Variants in PPP6R1 observed in about 807,000 individuals in gnomAD.
PPP6R1 encodes serine/threonine-protein phosphatase 6 regulatory subunit 1.
Under a neutral mutation model 104.6 loss-of-function variants are expected in PPP6R1, and 39 were observed. That is an observed-to-expected ratio of 0.37 (90% confidence interval 0.29 to 0.49). PPP6R1 has a LOEUF of 0.49. PPP6R1 is among the 20% of genes least tolerant of loss of function. The probability of loss-of-function intolerance (pLI) is 0.98; values close to 1 mark genes in which losing one functional copy is unlikely to be tolerated. For missense variants in PPP6R1, 1,181 were observed against 1,155.8 expected (o/e 1.02, Z -0.32); for synonymous variants, 549 against 479.0 (o/e 1.15, Z -1.91).
At chr19:55,237,093 T>G in intron 15 of PPP6R1, 123 bp from the exon 16 acceptor site, 2 of 1,058,294 alleles carry the variant, frequency 1.9e-6, no homozygotes, top group Non-Finnish European at 2.9e-6. Context: ...ATTTGGTATC[T>G]GCAAATTCAC....
rs150852610 is a variant in PPP6R1 at position 55,237,928 on chromosome 19, T to C, written c.1752-958A>G. Among the ~76,000 whole-genome samples, 1,490 of 152,364 alleles carry C rather than the reference T, an allele frequency of 9.8e-3. 28 individuals carry two copies. The highest frequency in any genetic ancestry group is 0.034 in the African/African-American group (1,398 of 41,578). On this transcript the variant is annotated intron_variant, in intron 15 of 23. Transcript: ENST00000412770. The stretch of plus-strand genomic sequence containing the variant: ...TCTTTCTGGGTTTAGTTTTGTTCAC[T>C]TAACTTCTTAACCCCTCTGGAATTT...
At position 55,230,236 on chromosome 19, in the gene PPP6R1, C is replaced by A. The variant is rs2087327196; in HGVS notation, c.*292G>T. ...CGGTGTCCTCACTCTCTCTCGCTCT[C>A]CTCCCTCTCTCTATATAATATATAA... On this transcript the variant is annotated 3_prime_UTR_variant, in exon 24 of 24. Coordinates refer to ENST00000412770, the MANE Select transcript of PPP6R1 (RefSeq NM_014931.4). 2.2e-6 allele frequency: 1 copy of A among 454,576 alleles called. No homozygotes were observed. The highest frequency in any genetic ancestry group is 2.0e-5 in the African/African-American group (1 of 50,750). 28.2% of individuals were successfully genotyped at this position (454,576 alleles called of 1,614,324 possible). A position where few individuals can be genotyped will look rare whatever the true frequency, so the allele number is the denominator to read the frequency against.
chr19:55,234,617 C>T lies in PPP6R1; in HGVS notation c.1988+2026G>A, dbSNP rs796752028. On this transcript the variant is annotated intron_variant, in intron 17 of 23. Transcript: ENST00000412770. ...TGGCAGTGACACACTTGTGCACCAACAACACGTGCAAGGGTATTCACAGCG... is the reference window on the plus strand; with the variant it reads ...TGGCAGTGACACACTTGTGCACCAATAACACGTGCAAGGGTATTCACAGCG... Among the ~76,000 whole-genome samples the T allele has an allele frequency of 3.3e-5, 5 of 152,216 alleles. No homozygotes were observed. In the South Asian group the frequency reaches 1.0e-3, roughly 32 times the overall value.
chr19:55,235,791 T>G (rs1398026954), intron 17 of PPP6R1, among the ~76,000 whole-genome samples: 9 of 151,646 alleles, frequency 5.9e-5, no homozygotes, highest in Admixed American at 3.3e-4. Context: ...GTGCTGGGAT[T>G]ACAGGCGTGA....
At chr19:55,234,917 C>A (rs190650346) in intron 17 of PPP6R1, among the ~76,000 whole-genome samples, 1 of 152,292 alleles carries the variant, frequency 6.6e-6, no homozygotes, top group East Asian at 1.9e-4. Flanking sequence ...GACAACTTTA[C>A]CCTCAGAAGG....
intron 5 of PPP6R1, among the ~76,000 whole-genome samples, chr19:55,243,834 G>A (rs2087482196): frequency 6.6e-6 from 1 of 152,086 alleles, no homozygotes; most frequent in South Asian, 2.1e-4. Flanking sequence ...TCAATTTTTT[G>A]TAGCGACAAC....
intron 1 of PPP6R1, among the ~76,000 whole-genome samples, chr19:55,251,533 T>C (rs907501683): frequency 1.3e-5 from 2 of 152,000 alleles, no homozygotes; most frequent in African/African-American, 4.8e-5. Context: ...GGGTGTGTAT[T>C]TTCCCCTGTG....
At position 55,231,794 on chromosome 19, in the gene PPP6R1, G is replaced by A; in HGVS notation, c.2306+8C>T. Reference sequence around the variant, plus strand: ...AGCACCATTTAGCCCGTTCCATCCGGTTCTCACCTGAGCTGCAGGGCGTCA... The same window carrying A: ...AGCACCATTTAGCCCGTTCCATCCGATTCTCACCTGAGCTGCAGGGCGTCA... On this transcript the variant is annotated splice_region_variant and intron_variant, in intron 19 of 23. Transcript: ENST00000412770. The A allele has an allele frequency of 6.7e-7, 1 of 1,498,294 alleles. No individual in the cohort carries two copies. The highest frequency in any genetic ancestry group is 8.9e-7 in the Non-Finnish European group (1 of 1,124,660). 92.8% of individuals were successfully genotyped at this position (1,498,294 alleles called of 1,614,324 possible).
At chr19:55,231,518 C>T in intron 20 of PPP6R1, 27 bp from the exon 21 acceptor site, 1 of 1,598,920 alleles carries the variant, frequency 6.3e-7, no homozygotes, top group Non-Finnish European at 8.5e-7. Flanking sequence ...ATCTCAGCTG[C>T]AGCTCCCAGC....
At position 55,245,441 on chromosome 19, in the gene PPP6R1, C is replaced by T. The variant is rs1289625976; in HGVS notation, c.415-39G>A. 6.2e-7 allele frequency: 1 copy of T among 1,612,140 alleles called. No homozygotes were observed. Among genetic ancestry groups the T allele is most frequent in the South Asian group, 1.1e-5 (1 of 90,842 alleles). On this transcript the variant is annotated intron_variant, in intron 3 of 23. Coordinates refer to ENST00000412770, the MANE Select transcript of PPP6R1 (RefSeq NM_014931.4). The surrounding 1 kb of genome is among the most constrained non-coding windows in gnomAD (Gnocchi z 6.4). ...GGCTGCGTCATGCACAGGGCCTGGCCCAGCCACCACCCCTCAACCCACGGT... is the reference window on the plus strand; with the variant it reads ...GGCTGCGTCATGCACAGGGCCTGGCTCAGCCACCACCCCTCAACCCACGGT...
intron 1 of PPP6R1, among the ~76,000 whole-genome samples, chr19:55,257,189 T>C (rs977445283): frequency 6.6e-6 from 1 of 152,178 alleles, no homozygotes; most frequent in Non-Finnish European, 1.5e-5. Context: ...CCATGTGTGT[T>C]GTGCATGTAT....
rs756570275 is a variant in PPP6R1 at position 55,242,205 on chromosome 19, A to G, written c.806T>C (p.Ile269Thr). ...CTCCAGCAGGGTCAGCAGCACCTGG[A>G]TCCCACTGACGATGACAGACTGGCT... Reference protein sequence around the residue: ...EQSQSVIVSGIQVLLTLLEPR... With the variant: ...EQSQSVIVSGTQVLLTLLEPR... Residue 269 changes from isoleucine (I) to threonine (T), a missense_variant, in exon 7 of 24, where the codon ATC (isoleucine) becomes ACC (threonine). Ile to Thr is a moderately conservative substitution (Grantham distance 89, BLOSUM62 -1). Coordinates refer to ENST00000412770, the MANE Select transcript of PPP6R1 (RefSeq NM_014931.4). The G allele has an allele frequency of 1.9e-6, 3 of 1,613,746 alleles. No individual in the cohort carries two copies. The South Asian group carries it at 3.3e-5, about 18-fold the overall frequency.
At chr19:55,247,495 G>A (rs1286828226) in intron 1 of PPP6R1, 1 of 196,430 alleles carries the variant, frequency 5.1e-6, no homozygotes, top group African/African-American at 2.3e-5. Flanking sequence ...GCACTGAGGG[G>A]CCTCGGGCCC....
chr19:55,256,100 G>A (rs907853278), intron 1 of PPP6R1, among the ~76,000 whole-genome samples: 1 of 152,164 alleles, frequency 6.6e-6, no homozygotes, highest in South Asian at 2.1e-4. Context: ...AATGGGCAGG[G>A]GGACCAGACA....
chr19:55,241,841 T>A lies in PPP6R1; in HGVS notation c.846-202A>T, dbSNP rs1172000863. Among the ~76,000 whole-genome samples the A allele has an allele frequency of 6.6e-6, 1 of 152,074 alleles. No individual in the cohort carries two copies. The highest frequency in any genetic ancestry group is 1.5e-5 in the Non-Finnish European group (1 of 67,982). On this transcript the variant is annotated intron_variant, in intron 7 of 23. Transcript: ENST00000412770. The surrounding 1 kb of genome is among the most constrained non-coding windows in gnomAD (Gnocchi z 5.4). Reference sequence around the variant, plus strand: ...AGGCGGCAGCATTGGCAGTCCACTGTGAGAGCACGGGTGAGGGGTGGAGGC... The same window carrying A: ...AGGCGGCAGCATTGGCAGTCCACTGAGAGAGCACGGGTGAGGGGTGGAGGC...
intron 5 of PPP6R1, among the ~76,000 whole-genome samples, chr19:55,243,131 G>A (rs2087473678): frequency 2.0e-5 from 3 of 152,128 alleles, no homozygotes; most frequent in Admixed American, 2.0e-4. Flanking sequence ...AGGCCGAGGT[G>A]GGGCCGGGCG....
At chr19:55,246,462 A>G (rs546735515) in intron 2 of PPP6R1, among the ~76,000 whole-genome samples, 1 of 152,372 alleles carries the variant, frequency 6.6e-6, no homozygotes, top group East Asian at 1.9e-4. Context: ...GGATTAAAAA[A>G]TAAGTAAAGT....
chr19:55,228,278 C>T (rs201352309), downstream of PPP6R1: 179 of 1,613,030 alleles, frequency 1.1e-4, no homozygotes, highest in Non-Finnish European at 1.4e-4. Flanking sequence ...GTGTAGCCCC[C>T]GCTTGGGGAC....
Position 55,239,555 on chromosome 19 carries a change from A to G in PPP6R1, c.1653+39T>C, listed in dbSNP as rs1335957555. 2.5e-6 allele frequency: 4 copies of G among 1,608,662 alleles called. No homozygotes were observed. The African/African-American group carries it at 4.0e-5, about 16-fold the overall frequency. The stretch of plus-strand genomic sequence containing the variant: ...AGGGAGTTGGGCAGGACCCCACTCC[A>G]GCATAGCCCAGCACAGCCCCACATA... On this transcript the variant is annotated intron_variant, in intron 14 of 23. Coordinates refer to ENST00000412770, the MANE Select transcript of PPP6R1 (RefSeq NM_014931.4).
Sources: allele counts gnomAD v4.1 joint callset (sites outside exome capture counted in the v4.1 genomes callset), GRCh38; gene constraint gnomAD v4.1.1; non-coding constraint Gnocchi (gnomAD v3.1); transcripts MANE v1.5; gene names NCBI Gene and HGNC (gene_info 2026-07-23, HGNC 2026-07-21).